The following TMEM217 variants were observed in gnomAD, a reference collection of about 807,000 sequenced individuals.
The protein encoded by TMEM217 is transmembrane protein 217.
For missense variants in TMEM217, 204 were observed against 248.8 expected, an observed-to-expected ratio of 0.82 and a Z score of 1.21; for synonymous variants, 76 against 88.3, an observed-to-expected ratio of 0.86 and a Z score of 0.78.
intron 1 of TMEM217, among the ~76,000 whole-genome samples, chr6:37,248,404 A>C (rs907645603): frequency 6.6e-6 from 1 of 152,114 alleles, no homozygotes; most frequent in Non-Finnish European, 1.5e-5. Flanking sequence ...CCTGAGGCAA[A>C]ATCATATGTT....
chr6:37,236,893 C>A (rs924251201), intron 1 of TMEM217, among the ~76,000 whole-genome samples: 2 of 152,100 alleles, frequency 1.3e-5, no homozygotes, highest in Non-Finnish European at 2.9e-5. Context: ...AGATGCCTGG[C>A]GATTGCTCTT....
At chr6:37,235,374 AT>A (rs1401032144) in intron 1 of TMEM217, among the ~76,000 whole-genome samples, 2 of 151,226 alleles carry the variant, frequency 1.3e-5, no homozygotes, top group African/African-American at 2.4e-5. Context: ...TTTTATTATT[AT>A]TTTTTTTTGA....
At chr6:37,226,866 C>T (rs1763873312) in intron 1 of TMEM217, among the ~76,000 whole-genome samples, 1 of 152,168 alleles carries the variant, frequency 6.6e-6, no homozygotes, top group South Asian at 2.1e-4. Flanking sequence ...GCACCCAGCC[C>T]AAGATCACCA....
At chr6:37,255,776 G>A (rs1473793224) in intron 1 of TMEM217, among the ~76,000 whole-genome samples, 1 of 152,162 alleles carries the variant, frequency 6.6e-6, no homozygotes, top group East Asian at 1.9e-4. Context: ...GCAGGCTGCT[G>A]TAAGCAGGTG....
intron 1 of TMEM217, among the ~76,000 whole-genome samples, chr6:37,240,207 T>C (rs1764695030): frequency 6.6e-6 from 1 of 152,250 alleles, no homozygotes; most frequent in South Asian, 2.1e-4. Context: ...TATTATCTCA[T>C]AATTTCCATG....
chr6:37,256,503 G>T (rs1765742003), intron 1 of TMEM217, among the ~76,000 whole-genome samples: 1 of 152,136 alleles, frequency 6.6e-6, no homozygotes, highest in South Asian at 2.1e-4. Flanking sequence ...TGGGTTAAAT[G>T]CCCATAAAGA....
chr6:37,237,520 A>C (rs1476167166), intron 1 of TMEM217, among the ~76,000 whole-genome samples: 1 of 152,232 alleles, frequency 6.6e-6, no homozygotes, highest in African/African-American at 2.4e-5. Flanking sequence ...GCAGACATTA[A>C]AAAGGATATT....
At chr6:37,235,389 A>G (rs1478735209) in intron 1 of TMEM217, among the ~76,000 whole-genome samples, 1 of 152,048 alleles carries the variant, frequency 6.6e-6, no homozygotes, top group Non-Finnish European at 1.5e-5. Flanking sequence ...TTTTTGAGAC[A>G]GAGTCTTGCT....
At chr6:37,219,824 C>A (rs762769614) in intron 1 of TMEM217, among the ~76,000 whole-genome samples, 2 of 152,118 alleles carry the variant, frequency 1.3e-5, no homozygotes, top group African/African-American at 4.8e-5. Flanking sequence ...CTTGTTCAGA[C>A]CTGAGTACAG....
In TMEM217 at chr6:37,225,173, C is replaced by A. The variant is rs141961773; in HGVS notation, c.-11-6132G>T. On this transcript the variant is annotated intron_variant, in intron 1 of 1. Transcript: ENST00000357219. ...CAAGATTGTGACACTGCACTCCAGC[C>A]TCGGTGACAGAGCGAGACTCTGACT... Among the ~76,000 whole-genome samples, 426 of 151,948 alleles carry A rather than the reference C, an allele frequency of 2.8e-3. 3 individuals carry two copies. The highest frequency in any genetic ancestry group is 7.3e-3 in the African/African-American group (302 of 41,434).
At position 37,231,891 on chromosome 6, in the gene TMEM217, T is replaced by C. The variant is rs1281022647; in HGVS notation, c.-11-12850A>G. Among the ~76,000 whole-genome samples, 4 of 151,718 alleles carry C rather than the reference T, an allele frequency of 2.6e-5. No individual in the cohort carries two copies. In the East Asian group the frequency reaches 7.7e-4, roughly 29 times the overall value. ...CTTCCTCAGACCCCTGCTTCCTAGG[T>C]CTTCCTGACTGTGTGGCTAAAAAAA... On this transcript the variant is annotated intron_variant, in intron 1 of 1. Coordinates refer to ENST00000357219, the Ensembl canonical transcript of TMEM217.
intron 1 of TMEM217, among the ~76,000 whole-genome samples, chr6:37,230,401 A>AT: frequency 6.6e-6 from 1 of 152,324 alleles, no homozygotes; most frequent in East Asian, 1.9e-4. Flanking sequence ...GTCACCAGGG[A>AT]TTTCAATTCT....
chr6:37,240,406 G>T (rs1314760379), intron 1 of TMEM217, among the ~76,000 whole-genome samples: 1 of 152,208 alleles, frequency 6.6e-6, no homozygotes, highest in Non-Finnish European at 1.5e-5. Flanking sequence ...GTTGGCCAGA[G>T]AACTCAGTTC....
chr6:37,226,903 C>T (rs892614564), intron 1 of TMEM217, among the ~76,000 whole-genome samples: 1 of 152,172 alleles, frequency 6.6e-6, no homozygotes, highest in African/African-American at 2.4e-5. Flanking sequence ...TTGGTAACAA[C>T]TCATGTATTG....
chr6:37,212,760 G>C, downstream of TMEM217: 1 of 693,778 alleles, frequency 1.4e-6, no homozygotes, highest in Non-Finnish European at 2.6e-6. Flanking sequence ...GGAAGCAGCC[G>C]ATGATGATGG....
At chr6:37,235,890 G>A (rs1764476854) in intron 1 of TMEM217, among the ~76,000 whole-genome samples, 1 of 152,086 alleles carries the variant, frequency 6.6e-6, no homozygotes, top group African/African-American at 2.4e-5. Context: ...CTTCCCCAAA[G>A]TCCCTATCTC....
Position 37,219,059 on chromosome 6 carries a change from A to T in TMEM217, c.-11-18T>A. 1.7e-5 allele frequency: 27 copies of T among 1,590,760 alleles called. No homozygotes were observed. The highest frequency in any genetic ancestry group is 2.2e-5 in the Non-Finnish European group (26 of 1,164,816). On this transcript the variant is annotated intron_variant, in intron 1 of 1. Coordinates refer to ENST00000357219, the Ensembl canonical transcript of TMEM217. ...GAGACCTCCTGTGAAGACAAACAACATGAGGGAGAATTCTAGTTCCTGCCA... is the reference window on the plus strand; with the variant it reads ...GAGACCTCCTGTGAAGACAAACAACTTGAGGGAGAATTCTAGTTCCTGCCA...
intron 1 of TMEM217, among the ~76,000 whole-genome samples, chr6:37,231,147 C>T (rs2113856374): frequency 6.6e-6 from 1 of 151,890 alleles, no homozygotes; most frequent in South Asian, 2.1e-4. Context: ...GCAACCTCCA[C>T]CTCCCGGGTT....
At chr6:37,243,189 C>T (rs1764869254) in intron 1 of TMEM217, among the ~76,000 whole-genome samples, 1 of 152,168 alleles carries the variant, frequency 6.6e-6, no homozygotes, top group African/African-American at 2.4e-5. Flanking sequence ...ATTAATTATT[C>T]CATCTTCTTT....
Sources: allele counts gnomAD v4.1 joint callset (sites outside exome capture counted in the v4.1 genomes callset), GRCh38; gene constraint gnomAD v4.1.1; transcripts MANE v1.5; gene names NCBI Gene and HGNC (gene_info 2026-07-23, HGNC 2026-07-21).